The following PACRG variants were observed in gnomAD, a reference collection of about 807,000 sequenced individuals.
PACRG encodes parkin coregulated.
A neutral mutation model predicts 29.7 loss-of-function variants in PACRG; 29 were observed. That is an observed-to-expected ratio of 0.98 (90% CI 0.73 to 1.33). The LOEUF (loss-of-function observed/expected upper bound fraction) is 1.33. Among genes scored for constraint, PACRG ranks in the 40% most tolerant of loss-of-function variants. PACRG has a pLI of 0.00. For synonymous variants in PACRG, 116 were observed against 118.7 expected, an observed-to-expected ratio of 0.98 and a Z score of 0.15; for missense variants, 279 against 316.2, an observed-to-expected ratio of 0.88 and a Z score of 0.89.
chr6:163,277,311 G>T (rs1014669893), intron 4 of PACRG, among the ~76,000 whole-genome samples: 1 of 151,796 alleles, frequency 6.6e-6, no homozygotes, highest in African/African-American at 2.4e-5. Context: ...ATGCCTTTGC[G>T]TCCTCATAGT....
intron 2 of PACRG, among the ~76,000 whole-genome samples, chr6:162,925,765 C>G (rs1442786300): frequency 1.3e-5 from 2 of 152,146 alleles, no homozygotes; most frequent in African/African-American, 2.4e-5. Context: ...AGGATGCCTT[C>G]TCTCACCACT....
chr6:163,282,084 T>C (rs1049141595), intron 4 of PACRG, among the ~76,000 whole-genome samples: 1 of 152,222 alleles, frequency 6.6e-6, no homozygotes, highest in African/African-American at 2.4e-5. Context: ...AGGGCAATTT[T>C]CTTTTCCTTA....
intron 2 of PACRG, among the ~76,000 whole-genome samples, chr6:163,024,923 A>G (rs185457124): frequency 6.6e-6 from 1 of 152,224 alleles, no homozygotes; most frequent in Non-Finnish European, 1.5e-5. Flanking sequence ...GGTTCAACAT[A>G]TACAAATCAA....
At chr6:162,829,108 C>A (rs1237543868) in intron 2 of PACRG, among the ~76,000 whole-genome samples, 1 of 152,080 alleles carries the variant, frequency 6.6e-6, no homozygotes, top group Non-Finnish European at 1.5e-5. Context: ...TTTTTGTGTC[C>A]CCTTTCTCTC....
intron 1 of PACRG, among the ~76,000 whole-genome samples, chr6:162,782,769 T>C (rs1340584055): frequency 3.3e-5 from 5 of 151,834 alleles, no homozygotes; most frequent in Non-Finnish European, 7.4e-5. Flanking sequence ...ATCCCAAAGT[T>C]TGCATAAATC....
chr6:163,258,556 A>G (rs1358593662), intron 4 of PACRG, among the ~76,000 whole-genome samples: 2 of 152,016 alleles, frequency 1.3e-5, no homozygotes, highest in Non-Finnish European at 2.9e-5. Flanking sequence ...AGGAGATCGA[A>G]ACCATCCTGG....
At chr6:163,251,143 C>G (rs1402533676) in intron 4 of PACRG, among the ~76,000 whole-genome samples, 1 of 151,828 alleles carries the variant, frequency 6.6e-6, no homozygotes, top group Admixed American at 6.6e-5. Context: ...TAAGAGAATA[C>G]ATGTTGGGTG....
At chr6:163,242,658 T>A (rs1386244243) in intron 4 of PACRG, among the ~76,000 whole-genome samples, 1 of 151,978 alleles carries the variant, frequency 6.6e-6, no homozygotes, top group Non-Finnish European at 1.5e-5. Flanking sequence ...ATCCAATATG[T>A]TTTGGCCTCA....
At chr6:163,139,959 C>G (rs1001363332) in intron 4 of PACRG, among the ~76,000 whole-genome samples, 11 of 152,178 alleles carry the variant, frequency 7.2e-5, no homozygotes, top group Admixed American at 7.2e-4. Context: ...ACTCCTTCCT[C>G]TTTGCCTATC....
intron 2 of PACRG, among the ~76,000 whole-genome samples, chr6:162,871,027 A>C (rs924561990): frequency 3.3e-5 from 5 of 152,208 alleles, no homozygotes; most frequent in African/African-American, 1.2e-4. Context: ...AATGACAATT[A>C]GTTATTTAAT....
At chr6:162,946,960 A>G (rs992131533) in intron 2 of PACRG, among the ~76,000 whole-genome samples, 6 of 152,062 alleles carry the variant, frequency 3.9e-5, no homozygotes, top group African/African-American at 1.4e-4. Flanking sequence ...GAAAGTAGGC[A>G]TAGAAGGAAC....
At chr6:163,154,316 G>C (rs1395902739) in intron 4 of PACRG, among the ~76,000 whole-genome samples, 1 of 152,258 alleles carries the variant, frequency 6.6e-6, no homozygotes, top group African/African-American at 2.4e-5. Context: ...CTGCAGGAAT[G>C]ATGAGGAAAA....
At chr6:163,266,746 A>C (rs2128177548) in intron 4 of PACRG, among the ~76,000 whole-genome samples, 1 of 152,318 alleles carries the variant, frequency 6.6e-6, no homozygotes, top group African/African-American at 2.4e-5. Flanking sequence ...GGAAACTGGA[A>C]GCTCAGAGAA....
intron 2 of PACRG, among the ~76,000 whole-genome samples, chr6:162,925,344 T>A (rs975195470): frequency 6.6e-6 from 1 of 152,082 alleles, no homozygotes; most frequent in African/African-American, 2.4e-5. Context: ...CATAAAACCC[T>A]GGCAGAGACA....
intron 4 of PACRG, among the ~76,000 whole-genome samples, chr6:163,159,032 G>A (rs1778441151): frequency 6.6e-6 from 1 of 152,142 alleles, no homozygotes. Flanking sequence ...AATGCCATGA[G>A]CACAGGTTTT....
chr6:162,952,962 A>G (rs1044467797), intron 2 of PACRG, among the ~76,000 whole-genome samples: 3 of 152,230 alleles, frequency 2.0e-5, no homozygotes, highest in South Asian at 2.1e-4. Flanking sequence ...GATAAGAAAT[A>G]TCTGTATTTC....
intron 2 of PACRG, among the ~76,000 whole-genome samples, chr6:163,046,175 C>T (rs1253935317): frequency 2.0e-5 from 3 of 151,012 alleles, no homozygotes; most frequent in African/African-American, 7.3e-5. Flanking sequence ...CCCCTCTGTG[C>T]CATCACTCAG....
intron 1 of PACRG, among the ~76,000 whole-genome samples, chr6:162,744,628 A>G (rs187632000): frequency 5.3e-5 from 8 of 152,250 alleles, no homozygotes; most frequent in Non-Finnish European, 1.0e-4. Context: ...TAAGTTGTGT[A>G]TAGTAAGAAT....
chr6:162,740,147 G>A (rs1030101748), intron 1 of PACRG, among the ~76,000 whole-genome samples: 1 of 151,994 alleles, frequency 6.6e-6, no homozygotes. Context: ...TACAAATTTT[G>A]TATTTAGCGA....
Sources: gnomAD v4.1 joint callset for allele counts (sites outside exome capture counted in the v4.1 genomes callset) on GRCh38, gnomAD v4.1.1 for gene constraint, MANE v1.5 for transcripts, NCBI Gene and HGNC (gene_info 2026-07-23, HGNC 2026-07-21) for gene names.